IL3RA: variants seen among roughly 807,000 people sequenced by gnomAD.
IL3RA encodes the protein interleukin-3 receptor subunit alpha.
Under a neutral mutation model 52.3 loss-of-function variants are expected in IL3RA, and 73 were observed. The observed-to-expected ratio is 1.40, with a 90% CI of 1.16 to 1.70. The LOEUF (loss-of-function observed/expected upper bound fraction) is 1.70. Among genes scored for constraint, IL3RA ranks in the 40% most tolerant of loss-of-function variants. The probability of loss-of-function intolerance (pLI) is 0.00; values close to 1 mark genes in which losing one functional copy is unlikely to be tolerated. For missense variants in IL3RA, 664 were observed against 504.4 expected (o/e 1.32, Z -3.03); for synonymous variants, 260 against 194.0 (o/e 1.34, Z -2.83).
At chrX:1,344,888 T>A (rs191694228) in intron 2 of IL3RA, among the ~76,000 whole-genome samples, 24 of 143,442 alleles carry the variant, frequency 1.7e-4, no homozygotes, top group South Asian at 9.0e-4. Context: ...GTTGACCTGG[T>A]GCGGTGGCTC....
intron 2 of IL3RA, among the ~76,000 whole-genome samples, chrX:1,344,065 A>T (rs1267003642): frequency 6.6e-6 from 1 of 151,828 alleles, no homozygotes; most frequent in Non-Finnish European, 1.5e-5. Flanking sequence ...AAGTGCTGGG[A>T]TGACGGGCGT....
At chrX:1,381,149 G>A in intron 11 of IL3RA, 45 bp downstream of exon 11, 1 of 1,585,788 alleles carries the variant, frequency 6.3e-7, no homozygotes, top group Non-Finnish European at 8.7e-7. Flanking sequence ...AGGCGTGGTG[G>A]CCACTTTGGG....
chrX:1,353,357 T>C (rs1287304978), intron 6 of IL3RA, among the ~76,000 whole-genome samples: 1 of 141,404 alleles, frequency 7.1e-6, no homozygotes, highest in South Asian at 2.3e-4. Flanking sequence ...TCATGAGTCA[T>C]GGGATCCCTC....
intron 1 of IL3RA, among the ~76,000 whole-genome samples, chrX:1,341,519 T>C (rs2085492242): frequency 7.0e-6 from 1 of 141,860 alleles, no homozygotes; most frequent in Non-Finnish European, 1.5e-5. Flanking sequence ...CGAATATTCG[T>C]GCACACATGT....
At chrX:1,355,841 G>A (rs1404008524) in intron 6 of IL3RA, among the ~76,000 whole-genome samples, 1 of 152,032 alleles carries the variant, frequency 6.6e-6, no homozygotes, top group African/African-American at 2.4e-5. Context: ...GGGGTGGGGA[G>A]TGGGCCAGGC....
At position 1,365,454 on chromosome X, in the gene IL3RA, AGCGGGGTGC is replaced by A. The variant is rs1211641515; in HGVS notation, c.874+211_874+219del. ...CGGGGTGCGCGGGGTGAGCGGGGTG[AGCGGGGTGC>A]GCGGGGTGAGCGGGGTGAGCCGGGT... On this transcript the variant is annotated intron_variant, in intron 9 of 11. Transcript: ENST00000331035. Among the ~76,000 whole-genome samples the A allele has an allele frequency of 3.8e-4, 9 of 23,970 alleles. 1 individual carries two copies. The highest frequency in any genetic ancestry group is 3.0e-3 in the African/African-American group (9 of 3,002). The allele number at this position is 23,970 out of a possible 152,430, so 15.7% of individuals were successfully genotyped here.
At chrX:1,381,138 G>T in intron 11 of IL3RA, 34 bp downstream of exon 11, 1 of 1,603,920 alleles carries the variant, frequency 6.2e-7, no homozygotes, top group Non-Finnish European at 8.5e-7. Flanking sequence ...GACGGGTCTG[G>T]AGGCGTGGTG....
chrX:1,347,948 A>G (rs1178748320), intron 3 of IL3RA, among the ~76,000 whole-genome samples: 3 of 150,330 alleles, frequency 2.0e-5, no homozygotes, highest in Admixed American at 2.0e-4. Flanking sequence ...GAGGCAGGAG[A>G]ATGGCATGAA....
chrX:1,364,643 C>T (rs865904855), intron 8 of IL3RA, among the ~76,000 whole-genome samples: 1 of 149,276 alleles, frequency 6.7e-6, no homozygotes, highest in African/African-American at 2.5e-5. Context: ...GTAATTTTTA[C>T]AGTTTTTTTT....
At chrX:1,367,864 C>G (rs1164350323) in intron 9 of IL3RA, among the ~76,000 whole-genome samples, 8 of 151,446 alleles carry the variant, frequency 5.3e-5, no homozygotes, top group African/African-American at 1.9e-4. Flanking sequence ...CACTCCTCTC[C>G]TGCAAAGGAG....
At chrX:1,343,471 C>G (rs1311321216) in intron 2 of IL3RA, among the ~76,000 whole-genome samples, 2 of 151,118 alleles carry the variant, frequency 1.3e-5, no homozygotes, top group African/African-American at 4.9e-5. Flanking sequence ...TCAAAACCAG[C>G]TTGGCCATCA....
At chrX:1,353,165 G>A (rs7889534) in intron 6 of IL3RA, among the ~76,000 whole-genome samples, 115 of 113,334 alleles carry the variant, frequency 1.0e-3, no homozygotes, top group Non-Finnish European at 1.6e-3. Flanking sequence ...ATCCCTCATC[G>A]TGGGTTCCAT....
At chrX:1,358,759 C>A in intron 7 of IL3RA, 102 bp from the exon 8 acceptor site, 1 of 1,301,220 alleles carries the variant, frequency 7.7e-7, no homozygotes, top group Non-Finnish European at 1.1e-6. Flanking sequence ...AGAGCCCTCA[C>A]TGTTTTGCTG....
chrX:1,348,696 C>CTTT (rs373682986), intron 4 of IL3RA, 151 bp downstream of exon 4: 1 of 342,662 alleles, frequency 2.9e-6, no homozygotes, highest in Admixed American at 5.7e-5. Flanking sequence ...CTTTCTTTTT[C>CTTT]TTTCTTTCTG....
intron 7 of IL3RA, among the ~76,000 whole-genome samples, chrX:1,357,878 C>T (rs112171144): frequency 1.1e-4 from 16 of 146,086 alleles, no homozygotes; most frequent in African/African-American, 1.8e-4. Flanking sequence ...CGAGGCAGGA[C>T]GATCACGAGG....
chrX:1,357,403 C>T (rs2086821271), intron 7 of IL3RA, among the ~76,000 whole-genome samples: 1 of 151,868 alleles, frequency 6.6e-6, no homozygotes, highest in African/African-American at 2.4e-5. Context: ...CTCTGTTGCC[C>T]AGGCTGGGGT....
intron 4 of IL3RA, 143 bp downstream of exon 4, chrX:1,348,688 TTCTTTTTC>T (rs1284123357): frequency 4.3e-5 from 17 of 397,428 alleles, no homozygotes; most frequent in East Asian, 2.9e-4. Flanking sequence ...CTTTCTTTCT[TTCTTTTTC>T]TTTCTTTCTG....
At chrX:1,347,862 C>G in intron 3 of IL3RA, among the ~76,000 whole-genome samples, 1 of 149,638 alleles carries the variant, frequency 6.7e-6, no homozygotes, top group East Asian at 2.0e-4. Flanking sequence ...CACGGTGAAA[C>G]CCCGTCTCTA....
At chrX:1,343,294 C>T (rs1159152864) in intron 2 of IL3RA, among the ~76,000 whole-genome samples, 1 of 151,958 alleles carries the variant, frequency 6.6e-6, no homozygotes, top group Non-Finnish European at 1.5e-5. Flanking sequence ...TTCTAAGTGG[C>T]CGATCAGAGA....
Sources: gnomAD v4.1 joint callset for allele counts (sites outside exome capture counted in the v4.1 genomes callset) on GRCh38, gnomAD v4.1.1 for gene constraint, MANE v1.5 for transcripts, NCBI Gene and HGNC (gene_info 2026-07-23, HGNC 2026-07-21) for gene names.